Variants in PDXDC1 observed in about 807,000 individuals in gnomAD.
The protein encoded by PDXDC1 is pyridoxal dependent decarboxylase domain containing 1.
In PDXDC1, 42 loss-of-function variants were observed where a neutral mutation model predicts 100.1. The observed-to-expected ratio is 0.42, with a 90% CI of 0.33 to 0.54. The LOEUF is 0.54. Ranked by LOEUF, PDXDC1 falls within the 20% of genes least tolerant of loss-of-function variation. The pLI, the probability that PDXDC1 is intolerant of heterozygous loss-of-function variation, is 0.10. For missense variants in PDXDC1, 636 were observed against 979.2 expected, an observed-to-expected ratio of 0.65 and a Z score of 4.68; for synonymous variants, 260 against 371.7, an observed-to-expected ratio of 0.70 and a Z score of 3.46.
intron 16 of PDXDC1, among the ~76,000 whole-genome samples, chr16:15,058,245 G>A (rs886721920): frequency 1.3e-5 from 2 of 151,842 alleles, no homozygotes; most frequent in Admixed American, 6.6e-5. Context: ...AATGAGGCAC[G>A]ACTGTGCCAC....
intron 1 of PDXDC1, among the ~76,000 whole-genome samples, chr16:14,987,067 T>TG (rs1969543493): frequency 6.6e-6 from 1 of 152,264 alleles, no homozygotes; most frequent in African/African-American, 2.4e-5. Flanking sequence ...CTCTTAAAAA[T>TG]GCTTGGGTTT....
chr16:15,061,604 G>A (rs919652917), intron 16 of PDXDC1: 14 of 664,756 alleles, frequency 2.1e-5, no homozygotes, highest in African/African-American at 1.1e-4. Context: ...TGATTCAGTC[G>A]AACCTGGAAG....
intron 16 of PDXDC1, among the ~76,000 whole-genome samples, chr16:15,072,689 G>C (rs2045286990): frequency 6.6e-6 from 1 of 152,058 alleles, no homozygotes; most frequent in South Asian, 2.1e-4. Flanking sequence ...CCCAGCTATC[G>C]AGAGGGTAAG....
chr16:15,104,636 AG>A (rs1567253187), intron 16 of PDXDC1: 1 of 1,598,366 alleles, frequency 6.3e-7, no homozygotes, highest in African/African-American at 1.3e-5. Flanking sequence ...TATCAGTTAT[AG>A]AATGTTGTTG....
At chr16:14,979,605 C>G (rs557510264) in intron 1 of PDXDC1, among the ~76,000 whole-genome samples, 31 of 152,404 alleles carry the variant, frequency 2.0e-4, no homozygotes, top group African/African-American at 7.0e-4. Context: ...CTTGTTATAT[C>G]TAATTCTCAT....
At chr16:15,024,837 C>G (rs1164689073) in intron 13 of PDXDC1, among the ~76,000 whole-genome samples, 1 of 152,306 alleles carries the variant, frequency 6.6e-6, no homozygotes, top group African/African-American at 2.4e-5. Flanking sequence ...ATCACTCCAT[C>G]CCCCTGGGTC....
chr16:15,050,281 T>C (rs1427590878), intron 16 of PDXDC1, among the ~76,000 whole-genome samples: 2 of 152,212 alleles, frequency 1.3e-5, no homozygotes, highest in Non-Finnish European at 2.9e-5. Context: ...CCTTCTTACT[T>C]GCAACAAACT....
intron 16 of PDXDC1, among the ~76,000 whole-genome samples, chr16:15,088,022 G>C (rs1017241011): frequency 6.6e-6 from 1 of 152,022 alleles, no homozygotes; most frequent in Admixed American, 6.6e-5. Flanking sequence ...GCTGAGGCAG[G>C]AGAATTGCTT....
rs1006995026 is a variant in PDXDC1 at position 15,131,539 on chromosome 16, G to A, written c.1400-7340G>A. 212 of 1,609,250 alleles carry A rather than the reference G, an allele frequency of 1.3e-4. 1 individual carries two copies. The highest frequency in any genetic ancestry group is 1.7e-4 in the Non-Finnish European group (197 of 1,179,188). On this transcript the variant is annotated intron_variant, in intron 16 of 16. Coordinates refer to the PDXDC1 transcript ENST00000535621. ...GCCCTGGGCCACGATCTCCTCGCCC[G>A]CCAGTGTCAGGGGCTCCTCGTTGAG...
chr16:15,124,131 G>A (rs145665696), intron 16 of PDXDC1, among the ~76,000 whole-genome samples: 11,943 of 152,086 alleles, frequency 0.079, 777 homozygotes, highest in African/African-American at 0.17. Context: ...CTCCTAAGGT[G>A]TTTGCCCACA....
intron 16 of PDXDC1, among the ~76,000 whole-genome samples, chr16:15,055,003 T>G (rs1412858136): frequency 6.6e-6 from 1 of 152,160 alleles, no homozygotes; most frequent in Non-Finnish European, 1.5e-5. Flanking sequence ...TATCTGAGCC[T>G]TCTTCATCAG....
chr16:15,141,128 C>T (rs2048468094), downstream of PDXDC1, among the ~76,000 whole-genome samples: 1 of 136,822 alleles, frequency 7.3e-6, no homozygotes, highest in South Asian at 2.3e-4. Context: ...CAGCCCCTGC[C>T]GGCCTCCAGC....
At chr16:15,071,010 T>C in intron 16 of PDXDC1, 2 of 892,018 alleles carry the variant, frequency 2.2e-6, no homozygotes, top group Non-Finnish European at 3.4e-6. Flanking sequence ...AGGGATTTTA[T>C]TCACTTTAAA....
At chr16:15,110,598 T>G (rs201942436) in intron 16 of PDXDC1, 17 of 1,582,150 alleles carry the variant, frequency 1.1e-5, no homozygotes, top group African/African-American at 2.7e-5. Flanking sequence ...TGCATACAAA[T>G]GGACTTCAGC....
At chr16:15,067,792 C>A (rs1488076160) in intron 16 of PDXDC1, among the ~76,000 whole-genome samples, 3 of 152,134 alleles carry the variant, frequency 2.0e-5, no homozygotes, top group Admixed American at 2.0e-4. Context: ...GGGTCTCATT[C>A]TGGAGCCCAG....
At chr16:14,986,760 TG>T (rs747596949) in intron 1 of PDXDC1, among the ~76,000 whole-genome samples, 2 of 152,294 alleles carry the variant, frequency 1.3e-5, no homozygotes, top group East Asian at 3.8e-4. Context: ...TTGGGATTTT[TG>T]TTTGAGACAG....
intron 16 of PDXDC1, among the ~76,000 whole-genome samples, chr16:15,098,960 C>T (rs543280603): frequency 3.3e-5 from 5 of 152,268 alleles, no homozygotes; most frequent in Admixed American, 2.0e-4. Flanking sequence ...TAGCCAGTGT[C>T]GATTGGGTTA....
At chr16:15,135,408 G>C (rs2048301858) in intron 16 of PDXDC1, 2 of 1,381,886 alleles carry the variant, frequency 1.4e-6, no homozygotes, top group East Asian at 5.0e-5. Context: ...CCAAAGTTCA[G>C]CGCACACCCG....
intron 16 of PDXDC1, among the ~76,000 whole-genome samples, chr16:15,054,041 G>A (rs2044401046): frequency 6.6e-6 from 1 of 152,192 alleles, no homozygotes; most frequent in Non-Finnish European, 1.5e-5. Flanking sequence ...ACCCCTGTAA[G>A]GTTACTTTCC....
Sources: allele counts gnomAD v4.1 joint callset (sites outside exome capture counted in the v4.1 genomes callset), GRCh38; gene constraint gnomAD v4.1.1; transcripts MANE v1.5; gene names NCBI Gene and HGNC (gene_info 2026-07-23, HGNC 2026-07-21).